The following ELAPOR1 variants were observed in gnomAD, a reference collection of about 807,000 sequenced individuals.
ELAPOR1 encodes endosome/lysosome-associated apoptosis and autophagy regulator 1.
Under a neutral mutation model 119.7 loss-of-function variants are expected in ELAPOR1, and 77 were observed. The ratio of observed to expected loss-of-function variants is 0.64; its 90% confidence interval spans 0.54 to 0.78. The LOEUF (loss-of-function observed/expected upper bound fraction) is 0.78, where lower values mean the gene tolerates loss of function less well. Ranked by LOEUF, ELAPOR1 falls within the 30% of genes least tolerant of loss-of-function variation. The probability of loss-of-function intolerance (pLI) is 0.00; values close to 1 mark genes in which losing one functional copy is unlikely to be tolerated. For synonymous variants in ELAPOR1, 481 were observed against 487.2 expected (o/e 0.99, Z 0.17); for missense variants, 1,115 against 1,270.4 (o/e 0.88, Z 1.86).
chr1:109,185,052 A>T lies in ELAPOR1; in HGVS notation c.960A>T (p.Gly320=). 6.2e-7 allele frequency: 1 copy of T among 1,613,862 alleles called. No homozygotes were observed. The highest frequency in any genetic ancestry group is 8.5e-7 in the Non-Finnish European group (1 of 1,179,728). The change falls in exon 8 of 22, where the codon GGA becomes GGT. Residue 320 remains glycine (G), a synonymous_variant. Coordinates refer to ENST00000369939, the MANE Select transcript of ELAPOR1 (RefSeq NM_020775.5). ...QCDPDKYSEK[G]SSSCNVRPAC... is the part of the protein sequence containing the mutation. ...CTTGCTTTGGCAATTTAGAGAAAGG[A>T]TCTTCTTCCTGTAACGTGCGCCCAG...
chr1:109,169,939 A>G (rs1651826613), intron 3 of ELAPOR1, among the ~76,000 whole-genome samples: 2 of 152,244 alleles, frequency 1.3e-5, no homozygotes, highest in South Asian at 2.1e-4. Flanking sequence ...ATGTCCATCA[A>G]CGAGTAATGC....
In ELAPOR1 at chr1:109,173,733, A is replaced by T; in HGVS notation, c.848A>T (p.Tyr283Phe). ...TGCTTCCCCTGCAAACCTGGCACGT[A>T]TGCAGACAAGCAGGGCTCCTCTTTC... ...SECFPCKPGT[Y>F]ADKQGSSFCK... Residue 283 changes from tyrosine to phenylalanine, a missense_variant, in exon 7 of 22, where the codon TAT becomes TTT. By Grantham distance (22) the Tyr-to-Phe change is conservative. Coordinates refer to ENST00000369939, the MANE Select transcript of ELAPOR1 (RefSeq NM_020775.5). 1 of 1,614,148 alleles carries T rather than the reference A, an allele frequency of 6.2e-7. No individual in the cohort carries two copies. The highest frequency in any genetic ancestry group is 8.5e-7 in the Non-Finnish European group (1 of 1,180,012).
chr1:109,166,657 C>T (rs973476580), intron 3 of ELAPOR1, among the ~76,000 whole-genome samples: 3 of 152,144 alleles, frequency 2.0e-5, no homozygotes, highest in Admixed American at 1.3e-4. Context: ...TTACAGCCGG[C>T]GAGATTGAAA....
intron 17 of ELAPOR1, 114 bp from the exon 18 acceptor site, chr1:109,198,458 GC>G: frequency 1.1e-6 from 1 of 898,256 alleles, no homozygotes; most frequent in Non-Finnish European, 1.7e-6. Flanking sequence ...CCAGGCTAAA[GC>G]CCAAGTCCTG....
At chr1:109,190,995 G>A (rs180901535) in intron 11 of ELAPOR1, among the ~76,000 whole-genome samples, 8 of 152,318 alleles carry the variant, frequency 5.3e-5, no homozygotes, top group African/African-American at 1.9e-4. Context: ...CCTGGGAGGA[G>A]CCTGAGGTTC....
At position 109,161,991 on chromosome 1, in the gene ELAPOR1, A is replaced by C. The variant is rs781777074; in HGVS notation, c.251A>C (p.Asp84Ala). The C allele has an allele frequency of 6.2e-7, 1 of 1,613,430 alleles. No homozygotes were observed. The highest frequency in any genetic ancestry group is 1.1e-5 in the South Asian group (1 of 91,070). Residue 84 changes from aspartate to alanine, a missense_variant, in exon 2 of 22, where the codon GAC becomes GCC. Coordinates refer to ENST00000369939, the MANE Select transcript of ELAPOR1 (RefSeq NM_020775.5). Reference sequence around the variant, plus strand: ...CCGGGCCTGTGCACCAGCCTGCCTGACCCCATCAAGGGCACCGAGTGCTGT... The same window carrying C: ...CCGGGCCTGTGCACCAGCCTGCCTGCCCCCATCAAGGGCACCGAGTGCTGT... ...HTPGLCTSLP[D>A]PIKGTECSFS...
intron 2 of ELAPOR1, 89 bp downstream of exon 2, chr1:109,162,103 G>A: frequency 7.0e-7 from 1 of 1,420,510 alleles, no homozygotes; most frequent in Non-Finnish European, 9.6e-7. Flanking sequence ...GCCCTTCCTG[G>A]CAGAGCAGCT....
intron 1 of ELAPOR1, among the ~76,000 whole-genome samples, chr1:109,115,885 A>G (rs1018921990): frequency 6.6e-6 from 1 of 152,226 alleles, no homozygotes; most frequent in Non-Finnish European, 1.5e-5. Context: ...AGGGAACAGT[A>G]TGATCTTATC....
chr1:109,194,643 G>A (rs750187430), intron 15 of ELAPOR1, 49 bp downstream of exon 15: 2 of 1,558,724 alleles, frequency 1.3e-6, no homozygotes, highest in Non-Finnish European at 1.8e-6. Flanking sequence ...GGAGGCCCAT[G>A]GATCAGAAGC....
rs972963560 is a variant in ELAPOR1 at position 109,154,400 on chromosome 1, C to G, written c.154-7494C>G. Among the ~76,000 whole-genome samples the G allele has an allele frequency of 5.3e-5, 8 of 151,806 alleles. No individual in the cohort carries two copies. The South Asian group carries it at 1.0e-3, about 20-fold the overall frequency. The stretch of plus-strand genomic sequence containing the variant: ...AACTGGAAGGAATCTTAGAAGTTGT[C>G]TAATCTTAGAAGTTCAACTGTCTCA... On this transcript the variant is annotated intron_variant, in intron 1 of 21. Coordinates refer to ENST00000369939, the MANE Select transcript of ELAPOR1 (RefSeq NM_020775.5).
chr1:109,158,337 G>A lies in ELAPOR1; in HGVS notation c.154-3557G>A, dbSNP rs1219184002. ...TTTTTTTTTTTTTTTGGTCATTTCA[G>A]CAGTCCATTCAATACCTAGACAGTA... is the stretch of plus-strand genomic sequence containing the variant. On this transcript the variant is annotated intron_variant, in intron 1 of 21. Coordinates refer to ENST00000369939, the MANE Select transcript of ELAPOR1 (RefSeq NM_020775.5). Among the ~76,000 whole-genome samples the A allele has an allele frequency of 3.6e-5, 5 of 140,722 alleles. No individual in the cohort carries two copies. The East Asian group carries it at 9.9e-4, about 28-fold the overall frequency. 92.3% of individuals were successfully genotyped at this position (140,722 alleles called of 152,430 possible). A position where few individuals can be genotyped will look rare whatever the true frequency, so the allele number is the denominator to read the frequency against.
At chr1:109,147,724 C>T (rs1202635146) in intron 1 of ELAPOR1, among the ~76,000 whole-genome samples, 1 of 151,542 alleles carries the variant, frequency 6.6e-6, no homozygotes, top group Non-Finnish European at 1.5e-5. Flanking sequence ...TGGGAGATCT[C>T]CATACCTTTT....
chr1:109,198,115 G>C (rs1653944010), intron 17 of ELAPOR1, 40 bp downstream of exon 17: 1 of 1,483,700 alleles, frequency 6.7e-7, no homozygotes, highest in Admixed American at 1.7e-5. Context: ...TGAAACCTAG[G>C]ACTCCTCCAT....
intron 11 of ELAPOR1, among the ~76,000 whole-genome samples, chr1:109,190,174 G>A (rs1557695914): frequency 6.6e-6 from 1 of 152,170 alleles, no homozygotes; most frequent in East Asian, 1.9e-4. Flanking sequence ...GCAGTGTGGT[G>A]TGGTGGAAGG....
At position 109,197,973 on chromosome 1, in the gene ELAPOR1, T is replaced by G; in HGVS notation, c.2303-6T>G. 6.2e-7 allele frequency: 1 copy of G among 1,613,528 alleles called. No individual in the cohort carries two copies. The highest frequency in any genetic ancestry group is 8.5e-7 in the Non-Finnish European group (1 of 1,179,386). On this transcript the variant is annotated splice_region_variant and splice_polypyrimidine_tract_variant and intron_variant, in intron 16 of 21. Transcript: ENST00000369939. ...TGAGAACTAATTAGGAGCTCTAATT[T>G]GGCAGGGGTGACAACAGATATGACT... is the stretch of plus-strand genomic sequence containing the variant.
chr1:109,150,656 A>C (rs1650479108), intron 1 of ELAPOR1, among the ~76,000 whole-genome samples: 1 of 152,206 alleles, frequency 6.6e-6, no homozygotes, highest in African/African-American at 2.4e-5. Flanking sequence ...TGGTGTGTGA[A>C]ATTTTTGGTT....
At chr1:109,154,167 G>C (rs957235820) in intron 1 of ELAPOR1, among the ~76,000 whole-genome samples, 4 of 151,180 alleles carry the variant, frequency 2.6e-5, no homozygotes, top group African/African-American at 9.7e-5. Context: ...TGTAATCCCA[G>C]CTACTCGGGA....
chr1:109,192,875 G>A lies in ELAPOR1; in HGVS notation c.1947+1G>A. On this transcript the variant is annotated splice_donor_variant, in intron 14 of 21. Transcript: ENST00000369939. LOFTEE classifies it high-confidence loss of function. ...TGGTCCAGGGACCAAGAACAACAAG[G>A]TACCTGTAGTCTGGCATGCATCCTA... is the stretch of plus-strand genomic sequence containing the variant. 2.5e-6 allele frequency: 4 copies of A among 1,613,528 alleles called. No individual in the cohort carries two copies. The highest frequency in any genetic ancestry group is 3.4e-6 in the Non-Finnish European group (4 of 1,179,784).
chr1:109,187,645 T>C, intron 8 of ELAPOR1: 1 of 1,001,358 alleles, frequency 1.0e-6, no homozygotes, highest in Non-Finnish European at 1.2e-6. Flanking sequence ...GCAGGGGCCA[T>C]GTTTCATTCA....
Sources: gnomAD v4.1 joint callset for allele counts (sites outside exome capture counted in the v4.1 genomes callset) on GRCh38, gnomAD v4.1.1 for gene constraint, MANE v1.5 for transcripts, NCBI Gene and HGNC (gene_info 2026-07-23, HGNC 2026-07-21) for gene names.